The following TMA16 variants were observed in gnomAD, a reference collection of about 807,000 sequenced individuals.
TMA16 encodes translation machinery associated 16 homolog, also known as translation machinery-associated protein 16.
In TMA16, 26 loss-of-function variants were observed where a neutral mutation model predicts 27.1. The observed-to-expected ratio is 0.96, with a 90% confidence interval of 0.70 to 1.33. TMA16 has a LOEUF of 1.33. TMA16 is among the 40% of genes most tolerant of loss of function. The pLI is 0.00. For synonymous variants in TMA16, 71 were observed against 81.9 expected (o/e 0.87, Z 0.72); for missense variants, 233 against 241.4 (o/e 0.97, Z 0.23).
At chr4:163,498,488 C>T (rs963764247) in intron 1 of TMA16, among the ~76,000 whole-genome samples, 16 of 151,942 alleles carry the variant, frequency 1.1e-4, no homozygotes, top group African/African-American at 3.9e-4. Flanking sequence ...GGGGTTTCAC[C>T]GTGTTAGCCG....
chr4:163,510,733 C>T (rs545667034), intron 2 of TMA16, among the ~76,000 whole-genome samples: 6 of 152,142 alleles, frequency 3.9e-5, no homozygotes, highest in African/African-American at 7.2e-5. Context: ...CCTGTTATTA[C>T]GAAAAGTTTT....
At chr4:163,518,585 T>C (rs1737920258) in intron 6 of TMA16, among the ~76,000 whole-genome samples, 1 of 152,180 alleles carries the variant, frequency 6.6e-6, no homozygotes, top group African/African-American at 2.4e-5. Context: ...AACTAGACCA[T>C]GTTGAGGGGT....
In TMA16 at chr4:163,511,660, A is replaced by G. The variant is rs1302390966; in HGVS notation, c.117-1162A>G. Reference sequence around the variant, plus strand: ...ACTCTGTCTCTACAAAAATAAAAGTAAAAAAAAAAAAAAAAGTAGCCAGGC... The same window carrying G: ...ACTCTGTCTCTACAAAAATAAAAGTGAAAAAAAAAAAAAAAGTAGCCAGGC... On this transcript the variant is annotated intron_variant, in intron 2 of 6. Coordinates refer to ENST00000358572, the MANE Select transcript of TMA16 (RefSeq NM_018352.3). Among the ~76,000 whole-genome samples the G allele has an allele frequency of 5.2e-5, 7 of 134,482 alleles. No homozygotes were observed. In the South Asian group the frequency reaches 6.9e-4, roughly 13 times the overall value. The allele number at this position is 134,482 out of a possible 152,430, so 88.2% of individuals were successfully genotyped here.
intron 4 of TMA16, 27 bp from the exon 5 acceptor site, chr4:163,515,286 A>C (rs1409972608): frequency 3.1e-6 from 5 of 1,594,292 alleles, no homozygotes; most frequent in Middle Eastern, 1.8e-4. Context: ...CTTTGTATGT[A>C]ACACAAATCA....
At chr4:163,504,693 T>C (rs1395060882) in intron 1 of TMA16, among the ~76,000 whole-genome samples, 1 of 152,146 alleles carries the variant, frequency 6.6e-6, no homozygotes, top group Admixed American at 6.5e-5. Flanking sequence ...AGATGGAGTT[T>C]TGCTATGTTG....
intron 2 of TMA16, among the ~76,000 whole-genome samples, chr4:163,509,122 T>A (rs1737756065): frequency 6.6e-6 from 1 of 152,198 alleles, no homozygotes. Context: ...TTATTTTATG[T>A]TATGAAATCA....
chr4:163,509,272 T>C (rs1737758549), intron 2 of TMA16, among the ~76,000 whole-genome samples: 1 of 152,154 alleles, frequency 6.6e-6, no homozygotes, highest in Non-Finnish European at 1.5e-5. Context: ...CAAAAGATGA[T>C]TGGTGACAAG....
rs893820064 is a variant in TMA16, at chr4:163,507,257, TAA to T, written c.116+113_116+114del. 6.1e-6 allele frequency: 6 copies of T among 980,224 alleles called. No homozygotes were observed. In the African/African-American group the frequency reaches 8.2e-5, roughly 13 times the overall value. The allele number at this position is 980,224 out of a possible 1,614,324, so 60.7% of individuals were successfully genotyped here. ...TTGTCTCCCTTTCATAAATATTTAT[TAA>T]GTGTGTTCTGTATGCAGAGGGTGAA... is the stretch of plus-strand genomic sequence containing the variant. On this transcript the variant is annotated intron_variant, in intron 2 of 6. Transcript: ENST00000358572.
At chr4:163,494,858 T>A (rs1433196384) in intron 1 of TMA16, 54 bp downstream of exon 1, 1 of 1,607,596 alleles carries the variant, frequency 6.2e-7, no homozygotes, top group Non-Finnish European at 8.5e-7. Context: ...GGAAGGCTCT[T>A]GTTGAGCAGG....
rs28495121 is a variant in TMA16 at position 163,498,972 on chromosome 4, T to A, written c.3+4168T>A. Among the ~76,000 whole-genome samples the A allele has an allele frequency of 5.8e-3, 889 of 152,302 alleles. 8 individuals carry two copies. Among genetic ancestry groups the A allele is most frequent in the African/African-American group, 0.02 (851 of 41,576 alleles). On this transcript the variant is annotated intron_variant, in intron 1 of 6. Coordinates refer to ENST00000358572, the MANE Select transcript of TMA16 (RefSeq NM_018352.3). ...CTGTGTTTAGCCCTGATGGGTACTATCAAATTGCCTTCCAGAAGACTGTAC... is the reference window on the plus strand; with the variant it reads ...CTGTGTTTAGCCCTGATGGGTACTAACAAATTGCCTTCCAGAAGACTGTAC...
At chr4:163,515,582 T>C (rs1737864606) in intron 5 of TMA16, 121 bp downstream of exon 5, 1 of 1,327,614 alleles carries the variant, frequency 7.5e-7, no homozygotes, top group Admixed American at 2.7e-5. Context: ...TTTGATGTCT[T>C]TTTCTTTGTG....
At chr4:163,497,867 A>T (rs1737581435) in intron 1 of TMA16, among the ~76,000 whole-genome samples, 2 of 152,206 alleles carry the variant, frequency 1.3e-5, no homozygotes, top group South Asian at 4.1e-4. Flanking sequence ...CCACAAAAAG[A>T]CTTTTTCCAG....
intron 1 of TMA16, among the ~76,000 whole-genome samples, chr4:163,504,034 C>T (rs182834992): frequency 3.9e-4 from 60 of 152,158 alleles, no homozygotes; most frequent in Admixed American, 1.2e-3. Flanking sequence ...GCTATGAGGA[C>T]GTTTTTATAT....
At chr4:163,507,176 G>C (rs371826662) in intron 2 of TMA16, 31 bp downstream of exon 2, 235 of 1,531,220 alleles carry the variant, frequency 1.5e-4, no homozygotes, top group Non-Finnish European at 1.9e-4. Flanking sequence ...TGTATTACTC[G>C]TTGGTAAAAA....
intron 1 of TMA16, among the ~76,000 whole-genome samples, chr4:163,504,661 C>A (rs909454227): frequency 6.6e-6 from 1 of 152,142 alleles, no homozygotes; most frequent in Admixed American, 6.6e-5. Context: ...CCACACCCAG[C>A]ACATTTTTAT....
At chr4:163,499,546 G>A (rs890766551) in intron 1 of TMA16, among the ~76,000 whole-genome samples, 48 of 152,010 alleles carry the variant, frequency 3.2e-4, no homozygotes, top group African/African-American at 1.1e-3. Context: ...GGTATCGAGG[G>A]ATATTAGTTG....
At chr4:163,501,756 A>C (rs1235841295) in intron 1 of TMA16, among the ~76,000 whole-genome samples, 1 of 152,176 alleles carries the variant, frequency 6.6e-6, no homozygotes. Flanking sequence ...TTCTGATTTA[A>C]ACATTAACTT....
chr4:163,513,410 CATT>C (rs1247082592), intron 3 of TMA16, among the ~76,000 whole-genome samples: 1 of 152,118 alleles, frequency 6.6e-6, no homozygotes, highest in Non-Finnish European at 1.5e-5. Context: ...AATGGGATCT[CATT>C]GTACAGGGCC....
chr4:163,505,637 C>T (rs963858542), intron 1 of TMA16, among the ~76,000 whole-genome samples: 11 of 152,062 alleles, frequency 7.2e-5, no homozygotes, highest in African/African-American at 2.2e-4. Flanking sequence ...GTAAGAATGG[C>T]GTGAAGAATC....
Sources: allele counts gnomAD v4.1 joint callset (sites outside exome capture counted in the v4.1 genomes callset), GRCh38; gene constraint gnomAD v4.1.1; transcripts MANE v1.5; gene names NCBI Gene and HGNC (gene_info 2026-07-23, HGNC 2026-07-21).